The following RARB variants were observed in gnomAD, a reference collection of about 807,000 sequenced individuals.
RARB encodes the protein retinoic acid receptor beta, also known as HBV-activated protein.
Under a neutral mutation model 51.9 loss-of-function variants are expected in RARB, and 17 were observed. That is an observed-to-expected ratio of 0.33 (90% CI 0.22 to 0.49). RARB has a LOEUF of 0.49. RARB is among the 20% of genes least tolerant of loss of function. The probability of loss-of-function intolerance (pLI) is 0.99; values close to 1 mark genes in which losing one functional copy is unlikely to be tolerated. For synonymous variants in RARB, 215 were observed against 195.4 expected, an observed-to-expected ratio of 1.10 and a Z score of -0.84; for missense variants, 369 against 550.8, an observed-to-expected ratio of 0.67 and a Z score of 3.30.
At chr3:25,446,606 A>ACGTG (rs1246407481) in intron 1 of RARB, among the ~76,000 whole-genome samples, 10 of 152,060 alleles carry the variant, frequency 6.6e-5, no homozygotes, top group Admixed American at 2.0e-4. Flanking sequence ...GATTGAGACC[A>ACGTG]TCCTGGCGAA....
At chr3:25,307,045 G>C (rs1256027810) in intron 5 of RARB, among the ~76,000 whole-genome samples, 1 of 152,108 alleles carries the variant, frequency 6.6e-6, no homozygotes, top group Non-Finnish European at 1.5e-5. Flanking sequence ...CTGTAGTCTA[G>C]AAAACACTCA....
At chr3:25,328,124 A>G in intron 5 of RARB, among the ~76,000 whole-genome samples, 1 of 152,262 alleles carries the variant, frequency 6.6e-6, no homozygotes, top group African/African-American at 2.4e-5. Flanking sequence ...CTCTTGTCCC[A>G]TAAAGAATAT....
chr3:25,379,544 T>C (rs1706564446), intron 5 of RARB, among the ~76,000 whole-genome samples: 1 of 152,164 alleles, frequency 6.6e-6, no homozygotes, highest in African/African-American at 2.4e-5. Flanking sequence ...GCTATGCAAA[T>C]GTGTGATCAA....
At chr3:25,456,678 TATATAGAGAGAGAGAG>T (rs1355620172) in intron 1 of RARB, among the ~76,000 whole-genome samples, 48 of 110,282 alleles carry the variant, frequency 4.4e-4, no homozygotes, top group African/African-American at 1.2e-3. Context: ...TATATATATA[TATATAGAGAGAGAGAG>T]AGAGAGAGAG....
chr3:25,273,652 G>A (rs956215185), intron 5 of RARB, among the ~76,000 whole-genome samples: 1 of 152,146 alleles, frequency 6.6e-6, no homozygotes, highest in Non-Finnish European at 1.5e-5. Context: ...TAAGGAATGC[G>A]ATATCATTTG....
At chr3:25,343,811 A>C (rs1275104674) in intron 5 of RARB, among the ~76,000 whole-genome samples, 1 of 152,184 alleles carries the variant, frequency 6.6e-6, no homozygotes, top group African/African-American at 2.4e-5. Context: ...AGGTGTGGCA[A>C]AGTTTGGGAG....
At chr3:25,432,340 C>CTA (rs1235450167) in intron 1 of RARB, among the ~76,000 whole-genome samples, 4 of 152,142 alleles carry the variant, frequency 2.6e-5, no homozygotes, top group Non-Finnish European at 5.9e-5. Context: ...ATTCAAAAAA[C>CTA]TAAACAGTAG....
At chr3:24,890,532 T>C (rs1188608916) in intron 2 of RARB, among the ~76,000 whole-genome samples, 1 of 152,022 alleles carries the variant, frequency 6.6e-6, no homozygotes, top group East Asian at 1.9e-4. Context: ...GAGGAATGCT[T>C]GAGTCTGGGA....
intron 3 of RARB, among the ~76,000 whole-genome samples, chr3:25,103,448 A>C (rs556130916): frequency 5.9e-5 from 9 of 152,194 alleles, no homozygotes; most frequent in Non-Finnish European, 1.5e-5. Flanking sequence ...CTTTAGACAA[A>C]AATGGAGGAA....
At chr3:25,399,588 G>C (rs575243639) in intron 5 of RARB, among the ~76,000 whole-genome samples, 1 of 152,160 alleles carries the variant, frequency 6.6e-6, no homozygotes, top group Admixed American at 6.5e-5. Flanking sequence ...TTAATTAAGA[G>C]AGTAGGAAGG....
At chr3:25,589,884 AAG>A (rs931238826) in intron 5 of RARB, among the ~76,000 whole-genome samples, 7 of 152,140 alleles carry the variant, frequency 4.6e-5, no homozygotes, top group Middle Eastern at 3.2e-3. Flanking sequence ...CTTTCAAACA[AAG>A]AGTGTTTTAA....
intron 2 of RARB, among the ~76,000 whole-genome samples, chr3:24,985,358 T>G (rs972398768): frequency 2.0e-5 from 3 of 151,844 alleles, no homozygotes; most frequent in African/African-American, 7.2e-5. Flanking sequence ...TGTTTTTTTT[T>G]TTTTTTGACA....
chr3:25,498,181 A>G (rs190416273), intron 2 of RARB, among the ~76,000 whole-genome samples: 5 of 152,286 alleles, frequency 3.3e-5, no homozygotes, highest in Admixed American at 3.3e-4. Context: ...TCCACTTTAA[A>G]TAGTGTCAAA....
intron 2 of RARB, among the ~76,000 whole-genome samples, chr3:24,981,097 G>A (rs936529908): frequency 6.6e-6 from 1 of 152,182 alleles, no homozygotes; most frequent in African/African-American, 2.4e-5. Context: ...ACCAGCGGAG[G>A]CTGCAGAACA....
chr3:25,594,728 C>T, intron 7 of RARB, 50 bp downstream of exon 7: 2 of 1,440,364 alleles, frequency 1.4e-6, no homozygotes, highest in Non-Finnish European at 1.8e-6. Context: ...ACTTGAGGGC[C>T]TTACCAGGTT....
intron 5 of RARB, among the ~76,000 whole-genome samples, chr3:25,280,494 C>G (rs909456924): frequency 1.3e-5 from 2 of 152,092 alleles, no homozygotes; most frequent in African/African-American, 4.8e-5. Flanking sequence ...TGGACATAAA[C>G]CTCCTTAGGA....
intron 3 of RARB, among the ~76,000 whole-genome samples, chr3:25,527,727 C>A (rs1202666546): frequency 6.6e-6 from 1 of 152,136 alleles, no homozygotes; most frequent in African/African-American, 2.4e-5. Context: ...ATGCTCTTGG[C>A]ATTCCTCTAA....
At chr3:25,341,805 G>T (rs978618114) in intron 5 of RARB, among the ~76,000 whole-genome samples, 3 of 152,172 alleles carry the variant, frequency 2.0e-5, no homozygotes, top group Non-Finnish European at 4.4e-5. Flanking sequence ...GACCCAAAAT[G>T]TCAAAAGTGC....
intron 5 of RARB, among the ~76,000 whole-genome samples, chr3:25,303,157 C>T (rs912843976): frequency 2.0e-5 from 3 of 152,126 alleles, no homozygotes; most frequent in African/African-American, 7.2e-5. Flanking sequence ...CTCAGCAGTT[C>T]CAGCCCCAAA....
Sources: gnomAD v4.1 joint callset for allele counts (sites outside exome capture counted in the v4.1 genomes callset) on GRCh38, gnomAD v4.1.1 for gene constraint, MANE v1.5 for transcripts, NCBI Gene and HGNC (gene_info 2026-07-23, HGNC 2026-07-21) for gene names.